Variants in RPL7L1 observed in about 807,000 individuals in gnomAD.
RPL7L1 encodes ribosomal protein uL30-like.
A neutral mutation model predicts 30.3 loss-of-function variants in RPL7L1; 20 were observed. That is an observed-to-expected ratio of 0.66 (90% confidence interval 0.46 to 0.96). The LOEUF (loss-of-function observed/expected upper bound fraction) is 0.96. RPL7L1 is among the 40% of genes least tolerant of loss of function. The pLI, the probability that RPL7L1 is intolerant of heterozygous loss-of-function variation, is 0.00. For missense variants in RPL7L1, 271 were observed against 314.9 expected, an observed-to-expected ratio of 0.86 and a Z score of 1.05; for synonymous variants, 107 against 110.1, an observed-to-expected ratio of 0.97 and a Z score of 0.18.
At chr6:42,880,800 A>C in intron 1 of RPL7L1, 61 bp from the exon 2 acceptor site, 1 of 956,866 alleles carries the variant, frequency 1.0e-6, no homozygotes, top group South Asian at 1.4e-5. Flanking sequence ...GGCTTGAGCC[A>C]CCGAGCCCGG....
rs1435972368 is a variant in RPL7L1, at chr6:42,888,905, T to TA, written c.*2442dup. 1 of 152,230 alleles carries TA rather than the reference T, an allele frequency of 6.6e-6. No homozygotes were observed. Among genetic ancestry groups the TA allele is most frequent in the Non-Finnish European group, 1.5e-5 (1 of 68,048 alleles). The allele number at this position is 152,230 out of a possible 1,614,324, so 9.4% of individuals were successfully genotyped here. A position where few individuals can be genotyped will look rare whatever the true frequency, so the allele number is the denominator to read the frequency against. ...TTAATCCTGAAAACAGTGAGTCTGA[T>TA]ACTGCTTGTGTTTTTCATCAGTGTC... On this transcript the variant is annotated 3_prime_UTR_variant, in exon 6 of 6. Transcript: ENST00000493763.
At chr6:42,880,838 C>T in intron 1 of RPL7L1, 23 bp from the exon 2 acceptor site, 2 of 1,355,998 alleles carry the variant, frequency 1.5e-6, no homozygotes, top group Non-Finnish European at 1.1e-6. Flanking sequence ...AATGTTATCT[C>T]TGATCTCAAT....
intron 3 of RPL7L1, 22 bp downstream of exon 3, chr6:42,883,636 A>G (rs1257735220): frequency 8.3e-6 from 13 of 1,558,674 alleles, no homozygotes; most frequent in African/African-American, 1.4e-5. Context: ...GTGTCTTTCT[A>G]ATTGCATGAG....
rs1766269438 is a variant in RPL7L1 at position 42,886,391 on chromosome 6, G to A, written c.695G>A (p.Gly232Asp). Residue 232 changes from glycine to aspartate, a missense_variant, in exon 6 of 6, where the codon GGC becomes GAC. Physicochemically the swap from Gly to Asp is moderately conservative, Grantham distance 94. Coordinates refer to ENST00000493763, the MANE Select transcript of RPL7L1 (RefSeq NM_001366481.3). ...VARHATKNRV[G>D]FLKEMGTPGY... ...CGTCATGCTACCAAAAATAGAGTGG[G>A]CTTCCTCAAGGAGATGGGCACACCT... is the stretch of plus-strand genomic sequence containing the variant. 1 of 1,598,002 alleles carries A rather than the reference G, an allele frequency of 6.3e-7. No homozygotes were observed. The highest frequency in any genetic ancestry group is 8.5e-7 in the Non-Finnish European group (1 of 1,179,006).
Position 42,886,100 on chromosome 6 carries a change from A to G in RPL7L1, c.559+17A>G. ...AGCACCTGGGTGAGTGCTACAGCTT[A>G]GGGATCAGCTGGGGCAGAAAGCCAG... On this transcript the variant is annotated intron_variant, in intron 5 of 5. Coordinates refer to ENST00000493763, the MANE Select transcript of RPL7L1 (RefSeq NM_001366481.3). The G allele has an allele frequency of 4.1e-6, 6 of 1,449,592 alleles. No individual in the cohort carries two copies. The highest frequency in any genetic ancestry group is 1.1e-5 in the South Asian group (1 of 87,816). The allele number at this position is 1,449,592 out of a possible 1,614,324, so 89.8% of individuals were successfully genotyped here.
chr6:42,884,883 CAGT>C (rs1224182659), intron 4 of RPL7L1, 133 bp downstream of exon 4: 29 of 806,194 alleles, frequency 3.6e-5, no homozygotes, highest in Non-Finnish European at 5.6e-5. Context: ...AACCTGAAAT[CAGT>C]GGGTAGCTGT....
Position 42,889,505 on chromosome 6 carries a change from C to G in RPL7L1, c.*3041C>G, listed in dbSNP as rs1466333491. Reference sequence around the variant, plus strand: ...TTAGATTGGTTCTCTCCAGAGGTAACCTGCCAAGAAGAGATGCTATAGATG... The same window carrying G: ...TTAGATTGGTTCTCTCCAGAGGTAAGCTGCCAAGAAGAGATGCTATAGATG... On this transcript the variant is annotated 3_prime_UTR_variant, in exon 6 of 6. Transcript: ENST00000493763. The G allele has an allele frequency of 6.6e-6, 1 of 151,044 alleles. No homozygotes were observed. The highest frequency in any genetic ancestry group is 1.5e-5 in the Non-Finnish European group (1 of 67,930). 9.4% of individuals were successfully genotyped at this position (151,044 alleles called of 1,614,324 possible). A position where few individuals can be genotyped will look rare whatever the true frequency, so the allele number is the denominator to read the frequency against.
At chr6:42,880,770 C>T (rs1472662291) in intron 1 of RPL7L1, 91 bp from the exon 2 acceptor site, 3 of 678,524 alleles carry the variant, frequency 4.4e-6, no homozygotes, top group African/African-American at 3.6e-5. Context: ...ACCTCGGCCT[C>T]CCAGAGTGCT....
chr6:42,882,305 T>A (rs1393109779), intron 2 of RPL7L1: 1 of 149,550 alleles, frequency 6.7e-6, no homozygotes. Context: ...TTTTTTTTTT[T>A]AAGAGTGAGG....
In RPL7L1 at chr6:42,889,681, G is replaced by C. The variant is rs1052585060; in HGVS notation, c.*3217G>C. On this transcript the variant is annotated 3_prime_UTR_variant, in exon 6 of 6. Coordinates refer to ENST00000493763, the MANE Select transcript of RPL7L1 (RefSeq NM_001366481.3). ...AATATGGGTACAGTGTTTCCACTCT[G>C]TCCATAAAATGGGAGCTAATATTCT... is the stretch of plus-strand genomic sequence containing the variant. 6.6e-6 allele frequency: 1 copy of C among 152,326 alleles called. No homozygotes were observed. Among genetic ancestry groups the C allele is most frequent in the Non-Finnish European group, 1.5e-5 (1 of 68,036 alleles). The allele number at this position is 152,326 out of a possible 1,614,324, so 9.4% of individuals were successfully genotyped here.
At chr6:42,880,218 A>T (rs1316749911) in intron 1 of RPL7L1, among the ~76,000 whole-genome samples, 1 of 151,884 alleles carries the variant, frequency 6.6e-6, no homozygotes, top group Non-Finnish European at 1.5e-5. Context: ...ACAAGTGTTA[A>T]CTCTGCAGAT....
chr6:42,882,764 G>C (rs1766125997), intron 2 of RPL7L1: 1 of 152,002 alleles, frequency 6.6e-6, no homozygotes, highest in African/African-American at 2.4e-5. Context: ...AAATTAGCCG[G>C]GTGTGGTGGC....
chr6:42,883,122 G>T (rs1413761008), intron 2 of RPL7L1: 1 of 186,108 alleles, frequency 5.4e-6, no homozygotes, highest in African/African-American at 2.4e-5. Flanking sequence ...AGCACCAAGT[G>T]TATATGGTTT....
rs1380814347 is a variant in RPL7L1, at chr6:42,888,373, GTCT to G, written c.*1910_*1912del. ...GAGTTTCACCATGTAGGCCAGGCTA[GTCT>G]CAAACTCCTGACCTCAAGTGATCCA... On this transcript the variant is annotated 3_prime_UTR_variant, in exon 6 of 6. Coordinates refer to ENST00000493763, the MANE Select transcript of RPL7L1 (RefSeq NM_001366481.3). 6.6e-6 allele frequency: 1 copy of G among 152,364 alleles called. No homozygotes were observed. Among genetic ancestry groups the G allele is most frequent in the Middle Eastern group, 3.4e-3 (1 of 294 alleles). The allele number at this position is 152,364 out of a possible 1,614,324, so 9.4% of individuals were successfully genotyped here.
At chr6:42,879,987 T>G (rs370980907) in intron 1 of RPL7L1, 36 bp downstream of exon 1, 5 of 1,605,296 alleles carry the variant, frequency 3.1e-6, no homozygotes, top group Non-Finnish European at 4.3e-6. Context: ...TGGAGTGGGG[T>G]CTTGAGTATC....
intron 1 of RPL7L1, 39 bp downstream of exon 1, chr6:42,879,990 T>C (rs1294097962): frequency 6.2e-7 from 1 of 1,603,542 alleles, no homozygotes; most frequent in Non-Finnish European, 8.5e-7. Context: ...AGTGGGGTCT[T>C]GAGTATCCGG....
intron 3 of RPL7L1, 132 bp downstream of exon 3, chr6:42,883,746 C>G: frequency 1.5e-6 from 1 of 650,154 alleles, no homozygotes; most frequent in South Asian, 2.3e-5. Flanking sequence ...GGGTTGAGCA[C>G]AATTTAGTCT....
At chr6:42,880,514 G>T (rs553390016) in intron 1 of RPL7L1, 6 of 232,400 alleles carry the variant, frequency 2.6e-5, no homozygotes, top group Admixed American at 1.6e-4. Flanking sequence ...TTTCTTTTTT[G>T]TTGTTGTTTT....
chr6:42,887,077 A>T lies in RPL7L1; in HGVS notation c.*613A>T, dbSNP rs1766300013. On this transcript the variant is annotated 3_prime_UTR_variant, in exon 6 of 6. Coordinates refer to ENST00000493763, the MANE Select transcript of RPL7L1 (RefSeq NM_001366481.3). Reference sequence around the variant, plus strand: ...ATATTAATAACTGATTTCAAAAAGGACTTGAAGATGTGAATCATCTATTTT... The same window carrying T: ...ATATTAATAACTGATTTCAAAAAGGTCTTGAAGATGTGAATCATCTATTTT... 1 of 151,854 alleles carries T rather than the reference A, an allele frequency of 6.6e-6. No individual in the cohort carries two copies. Among genetic ancestry groups the T allele is most frequent in the Non-Finnish European group, 1.5e-5 (1 of 68,018 alleles). 9.4% of individuals were successfully genotyped at this position (151,854 alleles called of 1,614,324 possible).
Sources: allele counts gnomAD v4.1 joint callset (sites outside exome capture counted in the v4.1 genomes callset), GRCh38; gene constraint gnomAD v4.1.1; transcripts MANE v1.5; gene names NCBI Gene and HGNC (gene_info 2026-07-23, HGNC 2026-07-21).